FBXO11: variants seen among roughly 807,000 people sequenced by gnomAD.
FBXO11 encodes the protein F-box only protein 11.
FBXO11 carries 13 observed loss-of-function variants against 117.0 expected under a neutral mutation model. The ratio of observed to expected loss-of-function variants is 0.11; its 90% CI spans 0.07 to 0.18. FBXO11 has a LOEUF of 0.18. FBXO11 is among the 10% of genes least tolerant of loss of function. The probability of loss-of-function intolerance (pLI) is 1.00; values close to 1 mark genes in which losing one functional copy is unlikely to be tolerated. For missense variants in FBXO11, 767 were observed against 1,164.4 expected (o/e 0.66, Z 4.97); for synonymous variants, 490 against 380.5 (o/e 1.29, Z -3.35).
In FBXO11 at chr2:47,809,621, C is replaced by T; in HGVS notation, c.2425G>A (p.Gly809Ser). ...ATACCTTTCATTGTCACATTAACAC[C>T]AGATGCTAAAAATAAGCCTCCAAAC... ...NRFGGLFLAS[G>S]VNVTMKDNKI... Residue 809 changes from glycine (G) to serine (S), a missense_variant, in exon 20 of 23, where the codon GGT becomes AGT. Gly to Ser is a moderately conservative substitution (Grantham distance 56). Coordinates refer to ENST00000403359, the MANE Select transcript of FBXO11 (RefSeq NM_001190274.2). The T allele has an allele frequency of 1.9e-6, 3 of 1,612,720 alleles. No individual in the cohort carries two copies. Among genetic ancestry groups the T allele is most frequent in the Non-Finnish European group, 2.5e-6 (3 of 1,179,156 alleles).
intron 1 of FBXO11, among the ~76,000 whole-genome samples, chr2:47,895,749 G>A (rs1677611282): frequency 6.6e-6 from 1 of 152,136 alleles, no homozygotes; most frequent in African/African-American, 2.4e-5. Context: ...CTGGAGTGCA[G>A]TGGCATGATC....
At chr2:47,836,524 CA>C (rs985952353) in intron 4 of FBXO11, among the ~76,000 whole-genome samples, 10 of 151,998 alleles carry the variant, frequency 6.6e-5, no homozygotes, top group African/African-American at 2.4e-4. Context: ...ACATGTTACC[CA>C]GGCTGGTCTC....
At chr2:47,833,120 A>C in intron 7 of FBXO11, 50 bp from the exon 8 acceptor site, 3 of 1,256,504 alleles carry the variant, frequency 2.4e-6, no homozygotes, top group Non-Finnish European at 3.5e-6. Context: ...ATTTCAACAG[A>C]TGGGTATCTT....
chr2:47,809,516 TA>T, intron 20 of FBXO11, 83 bp downstream of exon 20: 1 of 982,618 alleles, frequency 1.0e-6, no homozygotes, highest in Non-Finnish European at 1.5e-6. Flanking sequence ...GAGAGTGACA[TA>T]AGGAATCAAG....
In FBXO11 at chr2:47,821,409, G is replaced by A. The variant is rs975331212; in HGVS notation, c.1702+809C>T. Among the ~76,000 whole-genome samples the A allele has an allele frequency of 3.3e-5, 5 of 152,070 alleles. No homozygotes were observed. The South Asian group carries it at 8.3e-4, about 25-fold the overall frequency. ...GCAGATCACAAGGTCAGGAGATCGA[G>A]ACCATCCTGGCTAACATGGTGAAAC... On this transcript the variant is annotated intron_variant, in intron 13 of 22. Coordinates refer to ENST00000403359, the MANE Select transcript of FBXO11 (RefSeq NM_001190274.2).
At chr2:47,904,671 A>G (rs1174379508) in intron 1 of FBXO11, among the ~76,000 whole-genome samples, 1 of 151,844 alleles carries the variant, frequency 6.6e-6, no homozygotes. Context: ...AAACCCCACT[A>G]GGAGACGGAG....
At chr2:47,904,566 A>G (rs1027179000) in intron 1 of FBXO11, among the ~76,000 whole-genome samples, 17 of 144,962 alleles carry the variant, frequency 1.2e-4, no homozygotes, top group East Asian at 1.1e-3. Flanking sequence ...CAACACACAC[A>G]CGCGCGCGCG....
chr2:47,839,332 C>G, intron 3 of FBXO11, 87 bp downstream of exon 3: 1 of 1,222,086 alleles, frequency 8.2e-7, no homozygotes, highest in Middle Eastern at 1.9e-4. Flanking sequence ...AGGTAATACT[C>G]GAATACACTT....
intron 14 of FBXO11, 85 bp downstream of exon 14, chr2:47,820,277 G>A (rs1404449070): frequency 1.3e-5 from 12 of 931,036 alleles, no homozygotes; most frequent in Admixed American, 2.3e-5. Flanking sequence ...AGTTGAATAT[G>A]GCCTACCTAA....
At position 47,807,254 on chromosome 2, in the gene FBXO11, G is replaced by A. The variant is rs1055503860; in HGVS notation, c.*864C>T. ...ATGAACAGAGTTCAAATACAGGACT[G>A]TTTGTTTTGAAGAGACTTTCTAAAG... On this transcript the variant is annotated 3_prime_UTR_variant, in exon 23 of 23. Coordinates refer to ENST00000403359, the MANE Select transcript of FBXO11 (RefSeq NM_001190274.2). The A allele has an allele frequency of 3.9e-5, 9 of 228,006 alleles. No individual in the cohort carries two copies. The highest frequency in any genetic ancestry group is 5.2e-5 in the Non-Finnish European group (6 of 114,568). 14.1% of individuals were successfully genotyped at this position (228,006 alleles called of 1,614,324 possible).
intron 1 of FBXO11, among the ~76,000 whole-genome samples, chr2:47,868,678 G>A (rs1016503789): frequency 6.6e-5 from 10 of 152,162 alleles, no homozygotes; most frequent in African/African-American, 2.4e-4. Context: ...GAGGAATGGA[G>A]GTTATACATG....
At chr2:47,859,312 G>GA (rs916700010) in intron 1 of FBXO11, among the ~76,000 whole-genome samples, 2 of 151,812 alleles carry the variant, frequency 1.3e-5, no homozygotes, top group East Asian at 1.9e-4. Flanking sequence ...AATAAAAAAT[G>GA]AAAAAAAATT....
intron 1 of FBXO11, among the ~76,000 whole-genome samples, chr2:47,840,657 T>C (rs918540465): frequency 6.6e-6 from 1 of 151,636 alleles, no homozygotes; most frequent in South Asian, 2.1e-4. Flanking sequence ...TCTCACTATA[T>C]TGCCCAGGCT....
At chr2:47,858,833 A>G (rs947184138) in intron 1 of FBXO11, among the ~76,000 whole-genome samples, 5 of 151,686 alleles carry the variant, frequency 3.3e-5, no homozygotes, top group Admixed American at 2.0e-4. Flanking sequence ...TCACGAGGTC[A>G]GGAGTTCAAG....
intron 1 of FBXO11, among the ~76,000 whole-genome samples, chr2:47,858,743 A>ACT (rs1674515277): frequency 6.6e-6 from 1 of 151,014 alleles, no homozygotes; most frequent in Non-Finnish European, 1.5e-5. Context: ...AAAAACCTGA[A>ACT]CTGACTTATC....
intron 2 of FBXO11, 52 bp from the exon 3 acceptor site, chr2:47,839,552 T>C: frequency 6.2e-7 from 1 of 1,604,408 alleles, no homozygotes; most frequent in South Asian, 1.1e-5. Context: ...TCATCCATAA[T>C]CATTACTTCT....
intron 1 of FBXO11, among the ~76,000 whole-genome samples, chr2:47,891,270 T>C (rs1221663155): frequency 6.6e-6 from 1 of 152,302 alleles, no homozygotes; most frequent in East Asian, 1.9e-4. Flanking sequence ...TGCTGACTAG[T>C]AACTCCACAT....
intron 4 of FBXO11, among the ~76,000 whole-genome samples, chr2:47,836,482 C>G (rs1672570406): frequency 6.6e-6 from 1 of 152,072 alleles, no homozygotes; most frequent in Admixed American, 6.5e-5. Context: ...GATCCTCCCA[C>G]CTCAGCCTCC....
At chr2:47,817,343 C>T (rs1490303030) in intron 16 of FBXO11, among the ~76,000 whole-genome samples, 1 of 152,188 alleles carries the variant, frequency 6.6e-6, no homozygotes, top group Admixed American at 6.5e-5. Context: ...TTCTTCTATC[C>T]ACATCACTAA....
Sources: gnomAD v4.1 joint callset for allele counts (sites outside exome capture counted in the v4.1 genomes callset) on GRCh38, gnomAD v4.1.1 for gene constraint, MANE v1.5 for transcripts, NCBI Gene and HGNC (gene_info 2026-07-23, HGNC 2026-07-21) for gene names.